NEGR1: variants seen among roughly 807,000 people sequenced by gnomAD.
NEGR1 encodes the protein neuronal growth regulator 1, also known as IgLON family member 4.
A neutral mutation model predicts 40.9 loss-of-function variants in NEGR1; 10 were observed. The ratio of observed to expected loss-of-function variants is 0.24; its 90% CI spans 0.15 to 0.42. The LOEUF (loss-of-function observed/expected upper bound fraction) is 0.42. Among genes scored for constraint, NEGR1 ranks in the 10% least tolerant of loss-of-function variants. NEGR1 has a pLI of 1.00. For missense variants in NEGR1, 352 were observed against 438.9 expected (o/e 0.80, Z 1.77); for synonymous variants, 185 against 166.8 (o/e 1.11, Z -0.84).
At chr1:71,629,885 T>G (rs988200880) in intron 4 of NEGR1, among the ~76,000 whole-genome samples, 7 of 152,004 alleles carry the variant, frequency 4.6e-5, no homozygotes, top group African/African-American at 1.7e-4. Flanking sequence ...CATACATAAC[T>G]GATAAGTGAT....
At chr1:71,778,339 A>G (rs1383145491) in intron 2 of NEGR1, among the ~76,000 whole-genome samples, 3 of 152,110 alleles carry the variant, frequency 2.0e-5, no homozygotes, top group Non-Finnish European at 4.4e-5. Flanking sequence ...CATTTTCAGT[A>G]TAGTATTTGA....
chr1:71,711,874 A>G (rs1315382935), intron 3 of NEGR1, among the ~76,000 whole-genome samples: 2 of 152,244 alleles, frequency 1.3e-5, no homozygotes, highest in Non-Finnish European at 1.5e-5. Flanking sequence ...ATAAATACAT[A>G]TTTAAAATTA....
intron 2 of NEGR1, among the ~76,000 whole-genome samples, chr1:71,928,366 A>G (rs1338028581): frequency 2.0e-5 from 2 of 98,332 alleles, no homozygotes; most frequent in African/African-American, 8.3e-5. Flanking sequence ...ATATATACAC[A>G]TATGTATATA....
chr1:71,574,442 G>A (rs976412663), intron 6 of NEGR1, among the ~76,000 whole-genome samples: 21 of 152,070 alleles, frequency 1.4e-4, no homozygotes, highest in African/African-American at 4.8e-4. Flanking sequence ...TTTTAGCACA[G>A]TTGCAAAAAA....
intron 3 of NEGR1, among the ~76,000 whole-genome samples, chr1:71,744,087 A>T (rs907153169): frequency 6.6e-6 from 1 of 152,108 alleles, no homozygotes; most frequent in Non-Finnish European, 1.5e-5. Context: ...CTGGGAAGAC[A>T]GAGTTGTCAA....
chr1:72,108,792 T>A (rs1649238046), intron 1 of NEGR1, among the ~76,000 whole-genome samples: 1 of 151,648 alleles, frequency 6.6e-6, no homozygotes, highest in African/African-American at 2.4e-5. Context: ...AGCCTCCTAA[T>A]TCTGCCCATG....
chr1:71,482,127 A>G (rs532287421), intron 6 of NEGR1, among the ~76,000 whole-genome samples: 1 of 151,976 alleles, frequency 6.6e-6, no homozygotes, highest in African/African-American at 2.4e-5. Flanking sequence ...TTATTTTTTA[A>G]AGCACTGTTA....
At chr1:71,469,029 C>T (rs1646765634) in intron 6 of NEGR1, among the ~76,000 whole-genome samples, 1 of 151,946 alleles carries the variant, frequency 6.6e-6, no homozygotes, top group Admixed American at 6.6e-5. Flanking sequence ...TCAAAAACAT[C>T]GTAAAGAGGT....
At chr1:71,656,133 CA>C (rs1309151189) in intron 4 of NEGR1, among the ~76,000 whole-genome samples, 1 of 152,138 alleles carries the variant, frequency 6.6e-6, no homozygotes, top group Non-Finnish European at 1.5e-5. Flanking sequence ...TAATTGATCC[CA>C]AACTTTATCC....
At chr1:71,688,971 CTG>C (rs1173330007) in intron 4 of NEGR1, among the ~76,000 whole-genome samples, 2 of 152,098 alleles carry the variant, frequency 1.3e-5, no homozygotes, top group Non-Finnish European at 2.9e-5. Context: ...TTATAAGTGA[CTG>C]AGCTAAGATT....
chr1:72,205,849 G>A (rs1486505420), intron 1 of NEGR1, among the ~76,000 whole-genome samples: 1 of 150,806 alleles, frequency 6.6e-6, no homozygotes, highest in Non-Finnish European at 1.5e-5. Context: ...AGGCCAAGTT[G>A]GGAGGAGTGC....
At chr1:72,112,158 C>T (rs141437038) in intron 1 of NEGR1, among the ~76,000 whole-genome samples, 1 of 151,248 alleles carries the variant, frequency 6.6e-6, no homozygotes, top group African/African-American at 2.4e-5. Context: ...TATTTAATTT[C>T]TCCATTTTCA....
intron 6 of NEGR1, among the ~76,000 whole-genome samples, chr1:71,560,806 T>C (rs1451878620): frequency 2.0e-5 from 3 of 151,560 alleles, no homozygotes; most frequent in Middle Eastern, 3.4e-3. Flanking sequence ...ATATCCATTG[T>C]CTTCCCTGAA....
rs572202964 is a variant in NEGR1 at position 72,049,942 on chromosome 1, T to A, written c.177-114631A>T. ...AAGTAAAGTACCTGTATTTTTGTGC[T>A]GCTACATCTGGTGCAGATTTTGCTA... On this transcript the variant is annotated intron_variant, in intron 1 of 6. Coordinates refer to ENST00000357731, the MANE Select transcript of NEGR1 (RefSeq NM_173808.3). Among the ~76,000 whole-genome samples the A allele has an allele frequency of 2.0e-5, 3 of 151,706 alleles. No homozygotes were observed. The South Asian group carries it at 6.2e-4, about 31-fold the overall frequency.
intron 3 of NEGR1, among the ~76,000 whole-genome samples, chr1:71,755,761 C>T (rs1299027563): frequency 6.6e-6 from 1 of 152,128 alleles, no homozygotes; most frequent in Non-Finnish European, 1.5e-5. Context: ...TTTCACTCTT[C>T]ATATTATGTC....
At chr1:71,937,388 C>A (rs1645915691) in intron 1 of NEGR1, among the ~76,000 whole-genome samples, 1 of 152,168 alleles carries the variant, frequency 6.6e-6, no homozygotes, top group Non-Finnish European at 1.5e-5. Flanking sequence ...ATATCAACTG[C>A]TAGGACTGTG....
chr1:71,753,923 G>T (rs17091718), intron 3 of NEGR1, among the ~76,000 whole-genome samples: 2,623 of 151,344 alleles, frequency 0.017, 60 homozygotes, highest in South Asian at 0.058. Context: ...AAAGGAAAAT[G>T]ATGGTGATTT....
At chr1:72,041,454 A>C (rs1646953602) in intron 1 of NEGR1, among the ~76,000 whole-genome samples, 1 of 145,102 alleles carries the variant, frequency 6.9e-6, no homozygotes, top group African/African-American at 2.6e-5. Flanking sequence ...TTTGTCTCCT[A>C]AAGTTGCACG....
chr1:72,068,235 A>T (rs78663072), intron 1 of NEGR1, among the ~76,000 whole-genome samples: 3,762 of 152,252 alleles, frequency 0.025, 147 homozygotes, highest in African/African-American at 0.085. Context: ...AAGTGCTTGA[A>T]TCAGGAAAAC....
Sources: allele counts gnomAD v4.1 joint callset (sites outside exome capture counted in the v4.1 genomes callset), GRCh38; gene constraint gnomAD v4.1.1; transcripts MANE v1.5; gene names NCBI Gene and HGNC (gene_info 2026-07-23, HGNC 2026-07-21).